Variants in PRPF6 observed in about 807,000 individuals in gnomAD.
PRPF6 encodes pre-mRNA processing factor 6.
In PRPF6, 42 loss-of-function variants were observed where a neutral mutation model predicts 118.3. The ratio of observed to expected loss-of-function variants is 0.35; its 90% confidence interval spans 0.28 to 0.46. PRPF6 has a LOEUF of 0.46. PRPF6 is among the 20% of genes least tolerant of loss of function. The pLI is 1.00. For synonymous variants in PRPF6, 481 were observed against 485.1 expected (o/e 0.99, Z 0.11); for missense variants, 662 against 1,255.7 (o/e 0.53, Z 7.15).
Position 64,031,987 on chromosome 20 carries a change from G to C in PRPF6, c.2616G>C (p.Ser872=), listed in dbSNP as rs139156198. 2.5e-6 allele frequency: 4 copies of C among 1,614,168 alleles called. No individual in the cohort carries two copies. The highest frequency in any genetic ancestry group is 2.2e-5 in the East Asian group (1 of 44,884). The change falls in exon 20 of 21, where the codon TCG becomes TCC. Residue 872 remains serine, a synonymous_variant. Coordinates refer to ENST00000266079, the MANE Select transcript of PRPF6 (RefSeq NM_012469.4). The part of the protein sequence containing the change: ...EWFHRTVKID[S]DLGDAWAFFY... ...TCCACCGCACTGTGAAGATTGACTC[G>C]GACCTGGGGGATGCCTGGGCCTTCT...
chr20:64,028,466 CT>C lies in PRPF6; in HGVS notation c.2340-11del. The C allele has an allele frequency of 6.2e-7, 1 of 1,613,860 alleles. No individual in the cohort carries two copies. The highest frequency in any genetic ancestry group is 1.1e-5 in the South Asian group (1 of 91,082). ...AGACGGCTGTGGGACCTCCGGGGGC[CT>C]GTCTCCTCAGGTTGGAGTCCGTGCG... On this transcript the variant is annotated splice_polypyrimidine_tract_variant and intron_variant, in intron 17 of 20. Coordinates refer to ENST00000266079, the MANE Select transcript of PRPF6 (RefSeq NM_012469.4). This position sits in a 1 kb window ranked among gnomAD's most constrained non-coding sequence, Gnocchi z 6.5.
intron 12 of PRPF6, among the ~76,000 whole-genome samples, chr20:64,021,356 CGTGTGCATGT>C (rs1377921753): frequency 1.5e-4 from 16 of 104,398 alleles, no homozygotes; most frequent in Admixed American, 3.1e-4. Context: ...TGTGTGTGTG[CGTGTGCATGT>C]GTGTGCATGT....
At chr20:64,007,530 A>G (rs1601521738) in intron 9 of PRPF6, among the ~76,000 whole-genome samples, 1 of 146,104 alleles carries the variant, frequency 6.8e-6, no homozygotes, top group African/African-American at 2.6e-5. Context: ...TCAGTGGTGC[A>G]GTTTTGGCTC....
In PRPF6 at chr20:64,029,409, G is replaced by A. The variant is rs1207504949; in HGVS notation, c.2464G>A (p.Ala822Thr). Residue 822 changes from alanine (A) to threonine (T), a missense_variant, in exon 19 of 21, where the codon GCA (alanine) becomes ACA (threonine). By Grantham distance (58) the Ala-to-Thr change is moderately conservative. This residue lies in a region of PRPF6 where 244 missense variants were observed against 383.7 expected (regional missense o/e 0.64). Coordinates refer to ENST00000266079, the MANE Select transcript of PRPF6 (RefSeq NM_012469.4). This position sits in a 1 kb window ranked among gnomAD's most constrained non-coding sequence, Gnocchi z 4.8. ...ILWSEAIFLE[A>T]RPQRRTKSVD... ...GTGGTCTGAGGCCATCTTCCTCGAGGCAAGGCCCCAGAGGAGGACCAAGAG... is the reference window on the plus strand; with the variant it reads ...GTGGTCTGAGGCCATCTTCCTCGAGACAAGGCCCCAGAGGAGGACCAAGAG... 4 of 1,614,064 alleles carry A rather than the reference G, an allele frequency of 2.5e-6. No homozygotes were observed. The highest frequency in any genetic ancestry group is 3.4e-6 in the Non-Finnish European group (4 of 1,180,036).
At chr20:64,021,784 G>A (rs2059266697) in intron 12 of PRPF6, among the ~76,000 whole-genome samples, 2 of 150,406 alleles carry the variant, frequency 1.3e-5, no homozygotes, top group Non-Finnish European at 3.0e-5. Flanking sequence ...CCCTGTGTGT[G>A]TGCGTGTGTA....
At position 64,011,805 on chromosome 20, in the gene PRPF6, T is replaced by G. The variant is rs2427592; in HGVS notation, c.1524+302T>G. On this transcript the variant is annotated intron_variant, in intron 11 of 20. Coordinates refer to ENST00000266079, the MANE Select transcript of PRPF6 (RefSeq NM_012469.4). The surrounding 1 kb of genome is among the most constrained non-coding windows in gnomAD (Gnocchi z 6.7). ...TACGAGAGGAGGACAGGAAGTCTCA[T>G]GGCTTCTTTCTTTGCTAGTAGAAAT... Among the ~76,000 whole-genome samples, 1 of 64,538 alleles carries G rather than the reference T, an allele frequency of 1.5e-5. No homozygotes were observed. Among genetic ancestry groups the G allele is most frequent in the Non-Finnish European group, 3.2e-5 (1 of 31,074 alleles). The allele number at this position is 64,538 out of a possible 152,430, so 42.3% of individuals were successfully genotyped here. A position where few individuals can be genotyped will look rare whatever the true frequency, so the allele number is the denominator to read the frequency against.
intron 6 of PRPF6, among the ~76,000 whole-genome samples, chr20:63,998,513 A>G (rs1310507732): frequency 6.6e-6 from 1 of 150,528 alleles, no homozygotes; most frequent in East Asian, 2.0e-4. Context: ...TGCTTGGGTG[A>G]CAGAGTGAGA....
chr20:63,995,575 TCTTCTCCTC>T, intron 6 of PRPF6, 93 bp downstream of exon 6: 4 of 1,437,304 alleles, frequency 2.8e-6, no homozygotes, highest in Non-Finnish European at 3.8e-6. Flanking sequence ...TTCTCCTTTT[TCTTCTCCTC>T]CTTCTCCTCC....
rs1232084466 is a variant in PRPF6, at chr20:64,031,941, T to C, written c.2570T>C (p.Ile857Thr). The change falls in exon 20 of 21, where the codon ATC (isoleucine) becomes ACC (threonine). Residue 857 changes from isoleucine (I) to threonine (T), a missense_variant. By Grantham distance (89) the Ile-to-Thr change is moderately conservative. Coordinates refer to ENST00000266079, the MANE Select transcript of PRPF6 (RefSeq NM_012469.4). ...VAKLFWSQRK[I>T]TKAREWFHRT... is the part of the protein sequence containing the mutation. ...AGGCTGTTTTGGAGTCAGCGGAAGA[T>C]CACCAAGGCCAGGGAGTGGTTCCAC... 1.2e-6 allele frequency: 2 copies of C among 1,614,094 alleles called. No homozygotes were observed. Among genetic ancestry groups the C allele is most frequent in the Non-Finnish European group, 1.7e-6 (2 of 1,180,014 alleles).
rs1329130144 is a variant in PRPF6, at chr20:63,996,677, A to C, written c.771+1195A>C. Reference sequence around the variant, plus strand: ...GCCAGGCACTCATGCCTGTAATCCTAGCACTTTGAGAGACCAAGGTAGGAG... The same window carrying C: ...GCCAGGCACTCATGCCTGTAATCCTCGCACTTTGAGAGACCAAGGTAGGAG... On this transcript the variant is annotated intron_variant, in intron 6 of 20. Transcript: ENST00000266079. Among the ~76,000 whole-genome samples the C allele has an allele frequency of 3.3e-5, 5 of 152,166 alleles. No homozygotes were observed. In the East Asian group the frequency reaches 9.6e-4, roughly 29 times the overall value.
In PRPF6 at chr20:64,031,943, A is replaced by G. The variant is rs761637945; in HGVS notation, c.2572A>G (p.Thr858Ala). 6.8e-6 allele frequency: 11 copies of G among 1,614,054 alleles called. No homozygotes were observed. The highest frequency in any genetic ancestry group is 9.3e-6 in the Non-Finnish European group (11 of 1,180,040). The change falls in exon 20 of 21, where the codon ACC becomes GCC. Residue 858 changes from threonine to alanine, a missense_variant. Thr to Ala is a moderately conservative substitution (Grantham distance 58, BLOSUM62 0). Transcript: ENST00000266079. Reference sequence around the variant, plus strand: ...GCTGTTTTGGAGTCAGCGGAAGATCACCAAGGCCAGGGAGTGGTTCCACCG... The same window carrying G: ...GCTGTTTTGGAGTCAGCGGAAGATCGCCAAGGCCAGGGAGTGGTTCCACCG... ...AKLFWSQRKI[T>A]KAREWFHRTV...
rs1174848241 is a variant in PRPF6 at position 64,029,298 on chromosome 20, G to C, written c.2432-79G>C. 1 of 1,323,050 alleles carries C rather than the reference G, an allele frequency of 7.6e-7. No homozygotes were observed. Among genetic ancestry groups the C allele is most frequent in the East Asian group, 2.3e-5 (1 of 43,550 alleles). 82.0% of individuals were successfully genotyped at this position (1,323,050 alleles called of 1,614,324 possible). Reference sequence around the variant, plus strand: ...CTGTCGTGGTCTGAGGACGTCCCGGGTTAGAATCTGTAGGCTGGGCACCTT... The same window carrying C: ...CTGTCGTGGTCTGAGGACGTCCCGGCTTAGAATCTGTAGGCTGGGCACCTT... On this transcript the variant is annotated intron_variant, in intron 18 of 20. Transcript: ENST00000266079. This position sits in a 1 kb window ranked among gnomAD's most constrained non-coding sequence, Gnocchi z 4.8.
chr20:63,990,705 C>T lies in PRPF6; in HGVS notation c.360-2702C>T, dbSNP rs964169980. On this transcript the variant is annotated intron_variant, in intron 3 of 20. Coordinates refer to ENST00000266079, the MANE Select transcript of PRPF6 (RefSeq NM_012469.4). ...TATTGCCCAGGCTGGAGTGCAATGG[C>T]GCAACCTCGGCTTACTGCAACCTCC... is the stretch of plus-strand genomic sequence containing the variant. Among the ~76,000 whole-genome samples the T allele has an allele frequency of 6.9e-4, 104 of 150,206 alleles. 1 individual carries two copies. The highest frequency in any genetic ancestry group is 6.8e-4 in the Non-Finnish European group (46 of 67,734).
intron 19 of PRPF6, among the ~76,000 whole-genome samples, chr20:64,030,435 C>T (rs1416813318): frequency 1.3e-5 from 2 of 152,212 alleles, no homozygotes; most frequent in Non-Finnish European, 1.5e-5. Flanking sequence ...CATCCCTTCT[C>T]CCCAGCACTG....
chr20:64,001,307 C>A, intron 9 of PRPF6, 68 bp downstream of exon 9: 4 of 1,558,622 alleles, frequency 2.6e-6, no homozygotes, highest in South Asian at 2.2e-5. Context: ...CTTTCCTGCT[C>A]CTGGCTCAGG....
At chr20:64,030,962 T>A (rs1240076966) in intron 19 of PRPF6, among the ~76,000 whole-genome samples, 1 of 152,144 alleles carries the variant, frequency 6.6e-6, no homozygotes, top group Non-Finnish European at 1.5e-5. Context: ...CAACGCAGAG[T>A]CCCGGGCCTG....
chr20:64,015,591 A>C (rs775418035), intron 11 of PRPF6, among the ~76,000 whole-genome samples: 4 of 152,214 alleles, frequency 2.6e-5, no homozygotes, highest in Non-Finnish European at 5.9e-5. Context: ...TGGTAGACAC[A>C]TTCTCTTGCA....
chr20:64,013,092 G>A (rs901855889), intron 11 of PRPF6, among the ~76,000 whole-genome samples: 7 of 151,940 alleles, frequency 4.6e-5, no homozygotes, highest in Non-Finnish European at 7.4e-5. Context: ...AGTCACCTGA[G>A]TAGCTGGGAT....
At chr20:64,003,742 C>T (rs1373288653) in intron 9 of PRPF6, among the ~76,000 whole-genome samples, 1 of 152,188 alleles carries the variant, frequency 6.6e-6, no homozygotes, top group African/African-American at 2.4e-5. Flanking sequence ...ACTACAGGCG[C>T]CCGCCACCAG....
Sources: gnomAD v4.1 joint callset for allele counts (sites outside exome capture counted in the v4.1 genomes callset) on GRCh38, gnomAD v4.1.1 for gene constraint, gnomAD v4.1.1 regional missense constraint, Gnocchi (gnomAD v3.1) non-coding constraint, MANE v1.5 for transcripts, NCBI Gene and HGNC (gene_info 2026-07-23, HGNC 2026-07-21) for gene names.